NRXN3: variants seen among roughly 807,000 people sequenced by gnomAD.
The protein encoded by NRXN3 is neurexin III.
In NRXN3, 32 loss-of-function variants were observed where a neutral mutation model predicts 137.6. The observed-to-expected ratio is 0.23, with a 90% CI of 0.18 to 0.31. NRXN3 has a LOEUF of 0.31. Among genes scored for constraint, NRXN3 ranks in the 10% least tolerant of loss-of-function variants. The pLI, the probability that NRXN3 is intolerant of heterozygous loss-of-function variation, is 1.00. For synonymous variants in NRXN3, 798 were observed against 784.5 expected (o/e 1.02, Z -0.29); for missense variants, 1,574 against 2,062.5 (o/e 0.76, Z 4.59).
chr14:79,159,986 A>G (rs2060608746), intron 15 of NRXN3, among the ~76,000 whole-genome samples: 1 of 151,912 alleles, frequency 6.6e-6, no homozygotes, highest in South Asian at 2.1e-4. Flanking sequence ...AAGACACAGC[A>G]TTACTCATTG....
chr14:79,657,941 C>G (rs1421911644), intron 16 of NRXN3, among the ~76,000 whole-genome samples: 1 of 152,110 alleles, frequency 6.6e-6, no homozygotes, highest in South Asian at 2.1e-4. Context: ...AAATCACAAC[C>G]ACACATTCTA....
At chr14:79,138,115 G>A (rs529966723) in intron 15 of NRXN3, among the ~76,000 whole-genome samples, 83 of 152,256 alleles carry the variant, frequency 5.5e-4, no homozygotes, top group African/African-American at 1.8e-3. Context: ...TAGGACATGG[G>A]AACAGGAATC....
At chr14:78,841,324 C>T (rs2152443950) in intron 10 of NRXN3, among the ~76,000 whole-genome samples, 1 of 152,094 alleles carries the variant, frequency 6.6e-6, no homozygotes, top group East Asian at 2.0e-4. Flanking sequence ...CCGTCTTCCA[C>T]TTGTTTTCTA....
chr14:78,222,582 C>T (rs1275328317), intron 1 of NRXN3, among the ~76,000 whole-genome samples: 1 of 152,014 alleles, frequency 6.6e-6, no homozygotes, highest in Non-Finnish European at 1.5e-5. Flanking sequence ...TGCTTTTACT[C>T]TGGCAGGGTG....
In NRXN3 at chr14:78,645,264, A is replaced by G; in HGVS notation, c.902A>G (p.Lys301Arg). 2.5e-6 allele frequency: 4 copies of G among 1,598,916 alleles called. No homozygotes were observed. Among genetic ancestry groups the G allele is most frequent in the Non-Finnish European group, 3.4e-6 (4 of 1,179,824 alleles). Residue 301 changes from lysine (K) to arginine (R), a missense_variant, in exon 5 of 21, where the codon AAG becomes AGG. By Grantham distance (26) the Lys-to-Arg change is conservative (BLOSUM62 2). Around this residue, in one of 5 missense-constraint regions of NRXN3, gnomAD observed 400 missense variants for 527.3 expected, o/e 0.76. Coordinates refer to ENST00000335750, the MANE Select transcript of NRXN3 (RefSeq NM_001330195.2). ...QRNGLILHTG[K>R]SADYVNLALK... is the part of the protein sequence containing the mutation. ...AACGGCCTCATCCTGCACACGGGCA[A>G]GTCGGCTGACTATGTCAACCTGGCT...
At chr14:78,274,315 A>G (rs113562574) in intron 2 of NRXN3, among the ~76,000 whole-genome samples, 8,329 of 152,264 alleles carry the variant, frequency 0.055, 470 homozygotes, top group African/African-American at 0.15. Context: ...ACTTACAATC[A>G]TGGCAGAAGG....
intron 6 of NRXN3, among the ~76,000 whole-genome samples, chr14:78,661,125 T>G (rs2097837601): frequency 6.6e-6 from 1 of 152,208 alleles, no homozygotes; most frequent in Non-Finnish European, 1.5e-5. Context: ...AACAATGAAC[T>G]TATGAGTTGA....
chr14:78,748,996 G>A (rs564291487), intron 8 of NRXN3, among the ~76,000 whole-genome samples: 2 of 152,224 alleles, frequency 1.3e-5, no homozygotes, highest in African/African-American at 4.8e-5. Context: ...GAGGCATAAC[G>A]ACCCAACTCA....
intron 16 of NRXN3, among the ~76,000 whole-genome samples, chr14:79,659,988 A>G (rs1480425816): frequency 6.6e-6 from 1 of 152,154 alleles, no homozygotes; most frequent in African/African-American, 2.4e-5. Context: ...ATATTATATC[A>G]TCCTTACAAC....
At chr14:79,368,619 C>T (rs2093983307) in intron 15 of NRXN3, among the ~76,000 whole-genome samples, 1 of 152,044 alleles carries the variant, frequency 6.6e-6, no homozygotes, top group Admixed American at 6.5e-5. Flanking sequence ...AATTTGTGTA[C>T]TCTACCTCTG....
intron 15 of NRXN3, among the ~76,000 whole-genome samples, chr14:79,272,709 C>T (rs1212647394): frequency 6.6e-6 from 1 of 152,166 alleles, no homozygotes; most frequent in Non-Finnish European, 1.5e-5. Context: ...TCATAGCCTG[C>T]ATTACCTGGT....
intron 15 of NRXN3, among the ~76,000 whole-genome samples, chr14:79,199,071 G>T (rs2065540977): frequency 6.6e-6 from 1 of 152,038 alleles, no homozygotes; most frequent in Non-Finnish European, 1.5e-5. Flanking sequence ...AGAGACTGAG[G>T]CAGGAGAATC....
chr14:78,836,010 G>A (rs1274169825), intron 10 of NRXN3, among the ~76,000 whole-genome samples: 1 of 152,048 alleles, frequency 6.6e-6, no homozygotes, highest in East Asian at 1.9e-4. Context: ...CTATGTGTAG[G>A]GGCACTGTGG....
chr14:79,542,483 T>A (rs1318362514), intron 16 of NRXN3, among the ~76,000 whole-genome samples: 1 of 152,158 alleles, frequency 6.6e-6, no homozygotes, highest in Non-Finnish European at 1.5e-5. Flanking sequence ...TGTTGGGCCG[T>A]ATCTATTTTA....
intron 6 of NRXN3, among the ~76,000 whole-genome samples, chr14:78,692,260 AT>A (rs2098178821): frequency 6.6e-6 from 1 of 152,106 alleles, no homozygotes; most frequent in African/African-American, 2.4e-5. Context: ...CAAGATATCT[AT>A]TTGATTTCCA....
chr14:78,456,071 T>C (rs1049138596), intron 4 of NRXN3, among the ~76,000 whole-genome samples: 3 of 152,218 alleles, frequency 2.0e-5, no homozygotes, highest in Admixed American at 2.0e-4. Context: ...CCATCCTGCC[T>C]CTTTCCAAAG....
At chr14:79,763,374 G>A (rs1191542491) in intron 19 of NRXN3, among the ~76,000 whole-genome samples, 13 of 69,924 alleles carry the variant, frequency 1.9e-4, no homozygotes, top group Non-Finnish European at 3.8e-4. Context: ...ATACATACGT[G>A]TGCATGTGTC....
At chr14:79,802,860 T>C (rs1297268386) in intron 19 of NRXN3, among the ~76,000 whole-genome samples, 2 of 152,092 alleles carry the variant, frequency 1.3e-5, no homozygotes, top group Non-Finnish European at 2.9e-5. Context: ...AGTGTGTGTT[T>C]TTTTTAAGTA....
intron 15 of NRXN3, among the ~76,000 whole-genome samples, chr14:79,399,364 G>T (rs2095124253): frequency 6.6e-6 from 1 of 152,096 alleles, no homozygotes. Context: ...TTTTTCCAAG[G>T]TGTGCTTCAT....
Sources: allele counts gnomAD v4.1 joint callset (sites outside exome capture counted in the v4.1 genomes callset), GRCh38; gene constraint gnomAD v4.1.1; regional missense constraint gnomAD v4.1.1; transcripts MANE v1.5; gene names NCBI Gene and HGNC (gene_info 2026-07-23, HGNC 2026-07-21).